CTNNA3: variants seen among roughly 807,000 people sequenced by gnomAD.
CTNNA3 encodes the protein catenin alpha-3.
In CTNNA3, 76 loss-of-function variants were observed where a neutral mutation model predicts 95.7. That is an observed-to-expected ratio of 0.79 (90% CI 0.66 to 0.96). The LOEUF (loss-of-function observed/expected upper bound fraction) is 0.96. CTNNA3 is among the 40% of genes least tolerant of loss of function. The pLI, the probability that CTNNA3 is intolerant of heterozygous loss-of-function variation, is 0.00. For synonymous variants in CTNNA3, 431 were observed against 374.4 expected (o/e 1.15, Z -1.74); for missense variants, 1,191 against 1,089.8 (o/e 1.09, Z -1.31).
chr10:67,558,656 C>T (rs898307909), intron 3 of CTNNA3, among the ~76,000 whole-genome samples: 1 of 152,178 alleles, frequency 6.6e-6, no homozygotes, highest in East Asian at 1.9e-4. Context: ...GGGTGCAGTG[C>T]ACTGTGCGCG....
chr10:67,700,379 G>A (rs1841026657), upstream of CTNNA3, among the ~76,000 whole-genome samples: 1 of 152,350 alleles, frequency 6.6e-6, no homozygotes, highest in Non-Finnish European at 1.5e-5. Flanking sequence ...GCACCCCCCA[G>A]TAGGGGCAGA....
intron 13 of CTNNA3, among the ~76,000 whole-genome samples, chr10:66,127,273 A>G (rs1304436253): frequency 1.2e-4 from 8 of 66,566 alleles, no homozygotes; most frequent in African/African-American, 3.8e-4. Flanking sequence ...CTCTGTCTCA[A>G]AAAAAAAAAA....
intron 5 of CTNNA3, among the ~76,000 whole-genome samples, chr10:67,322,702 A>G (rs1448047947): frequency 6.6e-6 from 1 of 152,208 alleles, no homozygotes; most frequent in Non-Finnish European, 1.5e-5. Context: ...ATGCATCTTT[A>G]TAATAGAATA....
chr10:66,859,871 A>G (rs1843841492), intron 7 of CTNNA3, among the ~76,000 whole-genome samples: 1 of 131,796 alleles, frequency 7.6e-6, no homozygotes, highest in Non-Finnish European at 1.7e-5. Context: ...TTGTAGGGAC[A>G]TGGATGAAAT....
chr10:67,645,929 T>C (rs2133477558), intron 2 of CTNNA3, among the ~76,000 whole-genome samples: 1 of 147,530 alleles, frequency 6.8e-6, no homozygotes, highest in South Asian at 2.1e-4. Flanking sequence ...TGTTAATATA[T>C]ATATATTCTT....
At position 67,094,923 on chromosome 10, in the gene CTNNA3, T is replaced by C. The variant is rs180914342; in HGVS notation, c.1047+85394A>G. Among the ~76,000 whole-genome samples the C allele has an allele frequency of 7.9e-5, 12 of 151,746 alleles. No homozygotes were observed. In the East Asian group the frequency reaches 2.3e-3, roughly 29 times the overall value. ...TATAGATGTCATGAGTATGTAAAAG[T>C]GGTCCAAAACTGATGTATCACCAAA... On this transcript the variant is annotated intron_variant, in intron 7 of 17. Coordinates refer to ENST00000433211, the MANE Select transcript of CTNNA3 (RefSeq NM_013266.4).
chr10:67,397,727 A>G (rs559797285), intron 5 of CTNNA3, among the ~76,000 whole-genome samples: 1 of 152,296 alleles, frequency 6.6e-6, no homozygotes, highest in African/African-American at 2.4e-5. Context: ...GAAAATAATG[A>G]TTTCATGGGC....
At chr10:65,974,788 A>G (rs982342345) in intron 16 of CTNNA3, among the ~76,000 whole-genome samples, 6 of 152,176 alleles carry the variant, frequency 3.9e-5, no homozygotes, top group Admixed American at 1.3e-4. Flanking sequence ...AAAAAAATTA[A>G]AAGATGCTGG....
rs1008769366 is a variant in CTNNA3, at chr10:65,919,263, T to A, written c.*1067A>T. On this transcript the variant is annotated 3_prime_UTR_variant, in exon 18 of 18. Transcript: ENST00000433211. Reference sequence around the variant, plus strand: ...GGAATGAACACAGTGACTGGAGTTGTAAAATGACCCCAGTGACTTTTATTT... The same window carrying A: ...GGAATGAACACAGTGACTGGAGTTGAAAAATGACCCCAGTGACTTTTATTT... 9 of 152,144 alleles carry A rather than the reference T, an allele frequency of 5.9e-5. No individual in the cohort carries two copies. The highest frequency in any genetic ancestry group is 1.7e-4 in the African/African-American group (7 of 41,422). The allele number at this position is 152,144 out of a possible 1,614,324, so 9.4% of individuals were successfully genotyped here.
intron 9 of CTNNA3, among the ~76,000 whole-genome samples, chr10:66,676,655 A>T (rs1402431971): frequency 6.6e-6 from 1 of 152,126 alleles, no homozygotes; most frequent in African/African-American, 2.4e-5. Flanking sequence ...AAAACAAAAT[A>T]AAACACATTT....
rs12262190 is a variant in CTNNA3 at position 67,037,988 on chromosome 10, C to T, written c.1047+142329G>A. Among the ~76,000 whole-genome samples, 1,090 of 152,034 alleles carry T rather than the reference C, an allele frequency of 7.2e-3. 5 individuals are homozygous for T. Among genetic ancestry groups the T allele is most frequent in the African/African-American group, 0.025 (1,046 of 41,498 alleles). On this transcript the variant is annotated intron_variant, in intron 7 of 17. Coordinates refer to ENST00000433211, the MANE Select transcript of CTNNA3 (RefSeq NM_013266.4). ...CATTAAGGGGATTAACATGAATAAA[C>T]AGAAAAAAATTCATGTAAGCCATAG...
chr10:66,376,571 C>T (rs2921934), intron 12 of CTNNA3, among the ~76,000 whole-genome samples: 53,784 of 151,926 alleles, frequency 0.35, 11,155 homozygotes, highest in Non-Finnish European at 0.47. Context: ...TTCTAAAAAC[C>T]TTCTTTGTGA....
At chr10:66,626,308 G>A (rs577171903) in intron 9 of CTNNA3, among the ~76,000 whole-genome samples, 44 of 152,180 alleles carry the variant, frequency 2.9e-4, no homozygotes, top group South Asian at 1.2e-3. Flanking sequence ...TCCAGAACAC[G>A]AAGCAAACCT....
chr10:66,568,108 G>C (rs1842767153), intron 10 of CTNNA3, among the ~76,000 whole-genome samples: 1 of 152,166 alleles, frequency 6.6e-6, no homozygotes, highest in Non-Finnish European at 1.5e-5. Context: ...GTAGTAGGTA[G>C]CTTCTAACAG....
At chr10:66,548,877 T>A (rs1842122249) in intron 10 of CTNNA3, among the ~76,000 whole-genome samples, 1 of 152,102 alleles carries the variant, frequency 6.6e-6, no homozygotes, top group Admixed American at 6.5e-5. Flanking sequence ...TTAAGGATTT[T>A]TTTGCATTCA....
intron 17 of CTNNA3, among the ~76,000 whole-genome samples, chr10:65,955,370 A>T (rs1005090326): frequency 1.4e-4 from 22 of 152,190 alleles, no homozygotes; most frequent in African/African-American, 5.1e-4. Flanking sequence ...CTAATTGAAT[A>T]CCCTTTATTT....
intron 7 of CTNNA3, among the ~76,000 whole-genome samples, chr10:66,865,038 T>C (rs1445734583): frequency 6.6e-6 from 1 of 152,000 alleles, no homozygotes; most frequent in East Asian, 1.9e-4. Context: ...GAGAAAAGGA[T>C]TGAGGGTCCC....
Position 66,845,725 on chromosome 10 carries a change from A to AAAAAAAAAAAAAAC in CTNNA3, c.1048-70202_1048-70201insGTTTTTTTTTTTTT, listed in dbSNP as rs1160996707. 1.2e-4 allele frequency among the ~76,000 whole-genome samples: 12 copies of AAAAAAAAAAAAAAC among 100,374 alleles called. 2 individuals are homozygous for AAAAAAAAAAAAAAC. The highest frequency in any genetic ancestry group is 2.9e-4 in the East Asian group (1 of 3,428). The allele number at this position is 100,374 out of a possible 152,430, so 65.8% of individuals were successfully genotyped here. Reference sequence around the variant, plus strand: ...TCTCAAAAAAAAAAAAAAAAAAAAAAAAAACTAAAAAGGTGAGATATATAT... The same window carrying AAAAAAAAAAAAAAC: ...TCTCAAAAAAAAAAAAAAAAAAAAAAAAAAAAAAAAAAACAAAACTAAAAAGGTGAGATATATAT... On this transcript the variant is annotated intron_variant, in intron 7 of 17. Coordinates refer to ENST00000433211, the MANE Select transcript of CTNNA3 (RefSeq NM_013266.4).
intron 7 of CTNNA3, among the ~76,000 whole-genome samples, chr10:66,852,207 C>A (rs564717007): frequency 1.7e-4 from 26 of 152,052 alleles, no homozygotes; most frequent in Non-Finnish European, 2.8e-4. Flanking sequence ...GGTACAGGTA[C>A]CTTCTACTAT....
Sources: allele counts gnomAD v4.1 joint callset (sites outside exome capture counted in the v4.1 genomes callset), GRCh38; gene constraint gnomAD v4.1.1; transcripts MANE v1.5; gene names NCBI Gene and HGNC (gene_info 2026-07-23, HGNC 2026-07-21).